The following ABCC4 variants were observed in gnomAD, a reference collection of about 807,000 sequenced individuals.
The protein encoded by ABCC4 is ATP binding cassette subfamily C member 4 (PEL blood group), also known as ATP-binding cassette sub-family C member 4.
In ABCC4, 102 loss-of-function variants were observed where a neutral mutation model predicts 168.5. That is an observed-to-expected ratio of 0.61 (90% confidence interval 0.52 to 0.71). The LOEUF (loss-of-function observed/expected upper bound fraction) is 0.71, where lower values mean the gene tolerates loss of function less well. Among genes scored for constraint, ABCC4 ranks in the 30% least tolerant of loss-of-function variants. ABCC4 has a pLI of 0.00. For synonymous variants in ABCC4, 617 were observed against 590.7 expected (o/e 1.04, Z -0.65); for missense variants, 1,402 against 1,605.8 (o/e 0.87, Z 2.17).
chr13:95,038,265 T>C (rs2032206073), intron 29 of ABCC4, among the ~76,000 whole-genome samples: 1 of 151,764 alleles, frequency 6.6e-6, no homozygotes, highest in Non-Finnish European at 1.5e-5. Context: ...CCTGAATTTA[T>C]TCAGCACACA....
At chr13:95,092,794 G>A (rs1011544936) in intron 20 of ABCC4, among the ~76,000 whole-genome samples, 1 of 152,004 alleles carries the variant, frequency 6.6e-6, no homozygotes, top group African/African-American at 2.4e-5. Context: ...CAAAAAGCTG[G>A]TTTTTTGAAA....
At chr13:95,212,374 C>A (rs1434179723) in intron 4 of ABCC4, among the ~76,000 whole-genome samples, 1 of 152,062 alleles carries the variant, frequency 6.6e-6, no homozygotes, top group Non-Finnish European at 1.5e-5. Context: ...GTCTTACATA[C>A]AAAATGTTAA....
chr13:95,040,129 G>C (rs1452836172), intron 29 of ABCC4, among the ~76,000 whole-genome samples: 1 of 152,184 alleles, frequency 6.6e-6, no homozygotes, highest in Non-Finnish European at 1.5e-5. Context: ...TCTTGAAACA[G>C]TAAATGATTC....
At chr13:95,170,024 T>G (rs976933431) in intron 14 of ABCC4, among the ~76,000 whole-genome samples, 10 of 152,058 alleles carry the variant, frequency 6.6e-5, no homozygotes, top group African/African-American at 2.4e-4. Flanking sequence ...GCTGGGCTAA[T>G]TTTTTGTATT....
chr13:95,126,889 A>ATT (rs1382895038), intron 19 of ABCC4, among the ~76,000 whole-genome samples: 63 of 149,210 alleles, frequency 4.2e-4, no homozygotes, highest in East Asian at 5.8e-4. Context: ...AAATATATAT[A>ATT]TATATTTAAG....
intron 1 of ABCC4, among the ~76,000 whole-genome samples, chr13:95,269,861 G>GA (rs1488786685): frequency 6.6e-6 from 1 of 152,074 alleles, no homozygotes; most frequent in Non-Finnish European, 1.5e-5. Flanking sequence ...ATAGAGAAAA[G>GA]AAAAACAGAG....
chr13:95,087,427 G>T (rs1184797747), intron 20 of ABCC4, among the ~76,000 whole-genome samples: 1 of 152,126 alleles, frequency 6.6e-6, no homozygotes, highest in East Asian at 1.9e-4. Context: ...GCTGAGGCTT[G>T]CAGTGAGCCG....
At chr13:95,027,290 G>T (rs1457902211) in intron 30 of ABCC4, among the ~76,000 whole-genome samples, 1 of 151,874 alleles carries the variant, frequency 6.6e-6, no homozygotes, top group East Asian at 1.9e-4. Context: ...CACAATAATG[G>T]GTGGCACATT....
At chr13:95,055,545 T>C (rs1266233669) in intron 26 of ABCC4, 2 of 152,136 alleles carry the variant, frequency 1.3e-5, no homozygotes, top group South Asian at 2.1e-4. Context: ...CCATACTGAG[T>C]AGTAATTTTG....
chr13:95,168,656 G>A (rs968691310), intron 14 of ABCC4, among the ~76,000 whole-genome samples: 4 of 152,106 alleles, frequency 2.6e-5, no homozygotes, highest in Non-Finnish European at 5.9e-5. Flanking sequence ...GACACTAAGC[G>A]GGTTTCAGAC....
At chr13:95,221,518 C>T (rs956403454) in intron 4 of ABCC4, among the ~76,000 whole-genome samples, 18 of 152,098 alleles carry the variant, frequency 1.2e-4, no homozygotes, top group African/African-American at 4.3e-4. Context: ...TGTAAGCCAC[C>T]ATGCCTGACC....
intron 30 of ABCC4, among the ~76,000 whole-genome samples, chr13:95,023,736 G>A (rs1566349460): frequency 1.3e-5 from 2 of 152,224 alleles, no homozygotes; most frequent in African/African-American, 4.8e-5. Flanking sequence ...CGCCCAGCTC[G>A]AAGGATGAAG....
chr13:95,154,320 G>A (rs372107923), intron 19 of ABCC4, among the ~76,000 whole-genome samples: 1 of 152,172 alleles, frequency 6.6e-6, no homozygotes, highest in African/African-American at 2.4e-5. Flanking sequence ...AGGCAAGGGG[G>A]TGGGAGGGAA....
In ABCC4 at chr13:95,074,273, T is replaced by A; in HGVS notation, c.2858A>T (p.Asp953Val). 6.2e-7 allele frequency: 1 copy of A among 1,613,986 alleles called. No individual in the cohort carries two copies. Among genetic ancestry groups the A allele is most frequent in the Non-Finnish European group, 8.5e-7 (1 of 1,179,958 alleles). Residue 953 changes from aspartate (D) to valine (V), a missense_variant, in exon 23 of 31, where the codon GAT becomes GTT. Asp to Val is a radical substitution (Grantham distance 152). Around this residue, in one of 3 missense-constraint regions of ABCC4, gnomAD observed 1,007 missense variants for 1,127.3 expected, o/e 0.89. Transcript: ENST00000645237. ...TTSRWFAVRL[D>V]AICAMFVIIV... ...GATGACAAACATGGCACAGATGGCA[T>A]CCAGACGGACGGCAAACCAGCGGGA...
intron 16 of ABCC4, among the ~76,000 whole-genome samples, chr13:95,164,054 A>AAAAGAAAGAAAGAAAG (rs781636269): frequency 2.0e-4 from 28 of 139,036 alleles, no homozygotes; most frequent in African/African-American, 7.2e-4. Flanking sequence ...AAAAAAAAAA[A>AAAAGAAAGAAAGAAAG]AAAGAAAGAA....
chr13:95,186,315 G>A (rs923582605), intron 11 of ABCC4, among the ~76,000 whole-genome samples: 3 of 152,180 alleles, frequency 2.0e-5, no homozygotes, highest in Non-Finnish European at 2.9e-5. Flanking sequence ...AGCTAGCAGA[G>A]GGCCAGGGGA....
intron 4 of ABCC4, among the ~76,000 whole-genome samples, chr13:95,213,664 T>C (rs921352070): frequency 6.6e-6 from 1 of 152,134 alleles, no homozygotes; most frequent in Non-Finnish European, 1.5e-5. Context: ...CCAGGAAGGC[T>C]ATGTCTTAGT....
At chr13:95,158,239 G>C (rs1311960994) in intron 19 of ABCC4, among the ~76,000 whole-genome samples, 1 of 152,106 alleles carries the variant, frequency 6.6e-6, no homozygotes, top group South Asian at 2.1e-4. Flanking sequence ...CACCAGCAAG[G>C]GTCGCCCATT....
At chr13:95,073,457 A>T (rs1309846594) in intron 23 of ABCC4, 153 bp from the exon 24 acceptor site, 4 of 478,272 alleles carry the variant, frequency 8.4e-6, no homozygotes, top group Middle Eastern at 4.4e-4. Flanking sequence ...GTTGCTTGAG[A>T]TCAAGATACA....
Sources: allele counts gnomAD v4.1 joint callset (sites outside exome capture counted in the v4.1 genomes callset), GRCh38; gene constraint gnomAD v4.1.1; regional missense constraint gnomAD v4.1.1; transcripts MANE v1.5; gene names NCBI Gene and HGNC (gene_info 2026-07-23, HGNC 2026-07-21).